Variants in PAM observed in about 807,000 individuals in gnomAD.
PAM encodes peptidyl-glycine alpha-amidating monooxygenase.
PAM carries 72 observed loss-of-function variants against 122.1 expected under a neutral mutation model. That is an observed-to-expected ratio of 0.59 (90% confidence interval 0.49 to 0.72). The LOEUF (loss-of-function observed/expected upper bound fraction) is 0.72, where lower values mean the gene tolerates loss of function less well. Among genes scored for constraint, PAM ranks in the 30% least tolerant of loss-of-function variants. PAM has a pLI of 0.00. For missense variants in PAM, 1,106 were observed against 1,183.7 expected, an observed-to-expected ratio of 0.93 and a Z score of 0.96; for synonymous variants, 389 against 404.4, an observed-to-expected ratio of 0.96 and a Z score of 0.46.
chr5:102,844,389 A>G (rs1422920641), intron 1 of PAM, among the ~76,000 whole-genome samples: 3 of 152,140 alleles, frequency 2.0e-5, no homozygotes, highest in Admixed American at 6.6e-5. Context: ...TGAGTCTACA[A>G]TGATCTAAAA....
intron 1 of PAM, among the ~76,000 whole-genome samples, chr5:102,793,587 A>G (rs1762604779): frequency 6.6e-6 from 1 of 152,338 alleles, no homozygotes; most frequent in East Asian, 1.9e-4. Context: ...TTTTGGAACT[A>G]TTAGAATGTA....
chr5:102,949,736 A>G, intron 10 of PAM, 119 bp downstream of exon 10: 1 of 715,086 alleles, frequency 1.4e-6, no homozygotes, highest in South Asian at 1.7e-5. Flanking sequence ...TTCATATAAG[A>G]CCTTGAAATA....
intron 7 of PAM, among the ~76,000 whole-genome samples, chr5:102,944,226 C>T (rs1319800823): frequency 6.6e-6 from 1 of 152,044 alleles, no homozygotes; most frequent in Admixed American, 6.6e-5. Flanking sequence ...AGTTTCATCT[C>T]CATATCTTGA....
chr5:102,790,842 A>G (rs185686758), intron 1 of PAM, among the ~76,000 whole-genome samples: 5 of 152,070 alleles, frequency 3.3e-5, no homozygotes, highest in Admixed American at 1.3e-4. Flanking sequence ...GCAAAAAAAC[A>G]TAAGCACAAA....
chr5:102,874,496 A>G (rs1460037405), intron 3 of PAM, among the ~76,000 whole-genome samples: 2 of 152,098 alleles, frequency 1.3e-5, no homozygotes, highest in Admixed American at 6.6e-5. Context: ...GAAACATGCT[A>G]CATATCTGGG....
chr5:102,780,757 T>G (rs113087966), intron 1 of PAM, among the ~76,000 whole-genome samples: 3 of 16,436 alleles, frequency 1.8e-4, no homozygotes, highest in African/African-American at 7.1e-4. Context: ...TTCTTTCTCT[T>G]TCTTTCTTTC....
intron 12 of PAM, among the ~76,000 whole-genome samples, chr5:102,953,977 C>A (rs571360163): frequency 6.6e-6 from 1 of 152,040 alleles, no homozygotes; most frequent in Non-Finnish European, 1.5e-5. Context: ...CATGCCATTG[C>A]GCTTCAGACT....
chr5:102,966,821 G>A (rs1331195458), intron 14 of PAM, among the ~76,000 whole-genome samples: 2 of 152,020 alleles, frequency 1.3e-5, no homozygotes, highest in Non-Finnish European at 2.9e-5. Context: ...TATAGAAATT[G>A]CAGAACAATA....
intron 15 of PAM, 92 bp from the exon 16 acceptor site, chr5:102,990,180 G>A: frequency 3.3e-6 from 3 of 901,802 alleles, no homozygotes; most frequent in Non-Finnish European, 4.8e-6. Flanking sequence ...ATCTAGTGAT[G>A]TTATTGCATG....
chr5:102,782,080 T>A (rs1759107929), intron 1 of PAM, among the ~76,000 whole-genome samples: 1 of 152,224 alleles, frequency 6.6e-6, no homozygotes, highest in South Asian at 2.1e-4. Flanking sequence ...TGGTTTTGTA[T>A]CCTTGCTCAT....
intron 1 of PAM, among the ~76,000 whole-genome samples, chr5:102,780,857 CTCTT>C (rs1554060275): frequency 1.4e-5 from 2 of 138,484 alleles, no homozygotes; most frequent in African/African-American, 5.4e-5. Flanking sequence ...CTCTCTCTCT[CTCTT>C]TCTTTCTTTC....
intron 5 of PAM, among the ~76,000 whole-genome samples, chr5:102,923,974 CTGTGA>C (rs1748388702): frequency 6.6e-6 from 1 of 152,168 alleles, no homozygotes; most frequent in African/African-American, 2.4e-5. Context: ...CAGAATAACT[CTGTGA>C]TGTAAGTGTA....
intron 7 of PAM, among the ~76,000 whole-genome samples, chr5:102,928,254 T>C (rs1479006373): frequency 6.6e-6 from 1 of 152,220 alleles, no homozygotes; most frequent in Admixed American, 6.5e-5. Flanking sequence ...ACTGCATTGA[T>C]ACTCCAGAGA....
intron 15 of PAM, among the ~76,000 whole-genome samples, chr5:102,988,217 C>T (rs920726016): frequency 6.6e-6 from 1 of 152,126 alleles, no homozygotes; most frequent in Admixed American, 6.6e-5. Flanking sequence ...TTCTTTTTGA[C>T]CAAAATATTC....
At chr5:103,024,991 G>T (rs945489436) in intron 23 of PAM, 140 bp from the exon 24 acceptor site, 8 of 606,792 alleles carry the variant, frequency 1.3e-5, no homozygotes, top group African/African-American at 1.3e-4. Flanking sequence ...GTAGATTCAG[G>T]TATTAAAACA....
chr5:102,913,153 T>G (rs1224822604), intron 4 of PAM, among the ~76,000 whole-genome samples: 2 of 151,966 alleles, frequency 1.3e-5, no homozygotes, highest in Non-Finnish European at 2.9e-5. Context: ...TACTTCATAC[T>G]GGACAGCATT....
At chr5:102,934,150 C>T (rs1752497915) in intron 7 of PAM, among the ~76,000 whole-genome samples, 1 of 152,168 alleles carries the variant, frequency 6.6e-6, no homozygotes, top group Non-Finnish European at 1.5e-5. Flanking sequence ...AAATTGCAAA[C>T]ATGGGAGGGA....
chr5:102,951,552 T>C (rs1469887679), intron 12 of PAM, among the ~76,000 whole-genome samples: 1 of 152,076 alleles, frequency 6.6e-6, no homozygotes, highest in African/African-American at 2.4e-5. Flanking sequence ...ATTTATGTCG[T>C]AATCAAAGAG....
intron 3 of PAM, among the ~76,000 whole-genome samples, chr5:102,891,716 AT>A (rs1794844571): frequency 6.6e-6 from 1 of 151,844 alleles, no homozygotes; most frequent in Admixed American, 6.6e-5. Flanking sequence ...GCATTTTATC[AT>A]TCTGTCTTCT....
Sources: gnomAD v4.1 joint callset for allele counts (sites outside exome capture counted in the v4.1 genomes callset) on GRCh38, gnomAD v4.1.1 for gene constraint, MANE v1.5 for transcripts, NCBI Gene and HGNC (gene_info 2026-07-23, HGNC 2026-07-21) for gene names.